Variants in ALK observed in about 807,000 individuals in gnomAD.
The protein encoded by ALK is ALK receptor tyrosine kinase.
ALK carries 74 observed loss-of-function variants against 163.1 expected under a neutral mutation model. The ratio of observed to expected loss-of-function variants is 0.45; its 90% CI spans 0.38 to 0.55. ALK has a LOEUF of 0.55. ALK is among the 20% of genes least tolerant of loss of function. The probability of loss-of-function intolerance (pLI) is 0.00; values close to 1 mark genes in which losing one functional copy is unlikely to be tolerated. For missense variants in ALK, 2,063 were observed against 2,105.3 expected (o/e 0.98, Z 0.39); for synonymous variants, 960 against 843.2 (o/e 1.14, Z -2.40).
chr2:29,699,167 CA>C (rs1469594196), intron 2 of ALK, among the ~76,000 whole-genome samples: 1 of 152,172 alleles, frequency 6.6e-6, no homozygotes, highest in Non-Finnish European at 1.5e-5. Flanking sequence ...GGCTTCAGCA[CA>C]GTGCTCAGCC....
intron 1 of ALK, among the ~76,000 whole-genome samples, chr2:29,724,393 G>C (rs1679508630): frequency 6.6e-6 from 1 of 152,182 alleles, no homozygotes; most frequent in East Asian, 1.9e-4. Flanking sequence ...ATAGTGGTCT[G>C]GATGTCAAAT....
At position 29,232,457 on chromosome 2, in the gene ALK, G is replaced by A; in HGVS notation, c.2488-9C>T. On this transcript the variant is annotated splice_polypyrimidine_tract_variant and intron_variant, in intron 14 of 28. Transcript: ENST00000389048. ...GGCACTCCATCCTTCATCTGACCAG[G>A]GGAGACATTCAGACATTGAGAAACC... The A allele has an allele frequency of 6.2e-7, 1 of 1,614,208 alleles. No individual in the cohort carries two copies. Among genetic ancestry groups the A allele is most frequent in the South Asian group, 1.1e-5 (1 of 91,080 alleles).
rs139945083 is a variant in ALK at position 29,548,494 on chromosome 2, G to A, written c.953-16378C>T. Among the ~76,000 whole-genome samples the A allele has an allele frequency of 5.6e-4, 84 of 151,284 alleles. No individual in the cohort carries two copies. The East Asian group carries it at 0.011, about 21-fold the overall frequency. ...TCTCAAAAAAAAAAAAAAGAGTTAA[G>A]TCACTAATGGTGTCATTGGATATCT... is the stretch of plus-strand genomic sequence containing the variant. On this transcript the variant is annotated intron_variant, in intron 3 of 28. Transcript: ENST00000389048.
intron 11 of ALK, among the ~76,000 whole-genome samples, chr2:29,273,666 G>A (rs1265202072): frequency 6.6e-6 from 1 of 152,160 alleles, no homozygotes; most frequent in East Asian, 1.9e-4. Context: ...TGTTTCTGGA[G>A]TCTCTGCTGT....
At chr2:29,298,973 C>G (rs76342825) in intron 8 of ALK, among the ~76,000 whole-genome samples, 1,921 of 152,278 alleles carry the variant, frequency 0.013, 39 homozygotes, top group African/African-American at 0.044. Flanking sequence ...GGAGAAATAT[C>G]CTTTATTTCA....
At chr2:29,761,324 C>T (rs1379657449) in intron 1 of ALK, among the ~76,000 whole-genome samples, 1 of 152,132 alleles carries the variant, frequency 6.6e-6, no homozygotes, top group Non-Finnish European at 1.5e-5. Flanking sequence ...TTTTTCCTGC[C>T]ACTCTGTGAT....
chr2:29,296,207 A>G (rs62130616), intron 9 of ALK, among the ~76,000 whole-genome samples: 16,405 of 152,260 alleles, frequency 0.11, 1,122 homozygotes, highest in Non-Finnish European at 0.15. Flanking sequence ...GCTCAAAGTC[A>G]CAGAGGCCAT....
chr2:29,263,051 C>T (rs1665127152), intron 11 of ALK, among the ~76,000 whole-genome samples: 1 of 152,242 alleles, frequency 6.6e-6, no homozygotes, highest in Non-Finnish European at 1.5e-5. Context: ...TTTGATATCA[C>T]ATGGGTGCTG....
intron 3 of ALK, among the ~76,000 whole-genome samples, chr2:29,684,575 C>T (rs1678182586): frequency 1.3e-5 from 2 of 152,186 alleles, no homozygotes; most frequent in Non-Finnish European, 1.5e-5. Flanking sequence ...GCAAAGAAGA[C>T]ACAGGTGACA....
chr2:29,513,095 A>G (rs1050606522), intron 4 of ALK, among the ~76,000 whole-genome samples: 9 of 151,740 alleles, frequency 5.9e-5, no homozygotes, highest in Non-Finnish European at 1.2e-4. Flanking sequence ...TATAGATTCA[A>G]TGCCGTCCCC....
intron 15 of ALK, among the ~76,000 whole-genome samples, chr2:29,231,497 A>G (rs1254895595): frequency 6.6e-6 from 1 of 152,198 alleles, no homozygotes; most frequent in Non-Finnish European, 1.5e-5. Flanking sequence ...GCACATGTGC[A>G]ACAGAGGCAG....
chr2:29,838,444 A>G (rs1233725743), intron 1 of ALK, among the ~76,000 whole-genome samples: 1 of 152,172 alleles, frequency 6.6e-6, no homozygotes, highest in African/African-American at 2.4e-5. Flanking sequence ...TTAAAAACTA[A>G]TGATAGAAAG....
chr2:29,549,935 C>T (rs1673671258), intron 3 of ALK, among the ~76,000 whole-genome samples: 1 of 152,070 alleles, frequency 6.6e-6, no homozygotes, highest in African/African-American at 2.4e-5. Context: ...TTTCTATTAG[C>T]ACTACTTTAA....
Position 29,227,675 on chromosome 2 carries a change from G to A in ALK, c.2816-3C>T, listed in dbSNP as rs533733008. The A allele has an allele frequency of 8.7e-6, 14 of 1,613,014 alleles. No homozygotes were observed. The highest frequency in any genetic ancestry group is 2.2e-5 in the South Asian group (2 of 91,046). ...ATTGTTTGAGGCTGCATTGCCGCCT[G>A]AGTAGCAAACCAGAGCAGAGTTTAA... On this transcript the variant is annotated splice_polypyrimidine_tract_variant and splice_region_variant and intron_variant, in intron 16 of 28. Transcript: ENST00000389048. The surrounding 1 kb of genome is among the most constrained non-coding windows in gnomAD (Gnocchi z 4.4).
chr2:29,344,010 G>A (rs1371502054), intron 5 of ALK, among the ~76,000 whole-genome samples: 1 of 152,074 alleles, frequency 6.6e-6, no homozygotes, highest in East Asian at 1.9e-4. Flanking sequence ...AAATCTCTGA[G>A]GACACCTAGA....
chr2:29,790,083 A>G (rs1446914196), intron 1 of ALK, among the ~76,000 whole-genome samples: 1 of 152,220 alleles, frequency 6.6e-6, no homozygotes, highest in Non-Finnish European at 1.5e-5. Flanking sequence ...GAGGGTAGGC[A>G]TGTGGGTTAA....
chr2:29,394,892 A>G (rs1359433174), intron 4 of ALK, among the ~76,000 whole-genome samples: 1 of 151,254 alleles, frequency 6.6e-6, no homozygotes, highest in Non-Finnish European at 1.5e-5. Context: ...TCTTCAATAC[A>G]TCATCCCCAT....
At chr2:29,272,419 A>G (rs2148213253) in intron 11 of ALK, among the ~76,000 whole-genome samples, 1 of 152,324 alleles carries the variant, frequency 6.6e-6, no homozygotes, top group Non-Finnish European at 1.5e-5. Context: ...CAGCCTGGAA[A>G]CTTGAGCGGC....
intron 3 of ALK, among the ~76,000 whole-genome samples, chr2:29,619,247 G>A (rs938947833): frequency 2.6e-5 from 4 of 152,194 alleles, no homozygotes; most frequent in African/African-American, 9.6e-5. Context: ...CCCTGGACTG[G>A]CAAGCAAGAG....
Sources: allele counts gnomAD v4.1 joint callset (sites outside exome capture counted in the v4.1 genomes callset), GRCh38; gene constraint gnomAD v4.1.1; non-coding constraint Gnocchi (gnomAD v3.1); transcripts MANE v1.5; gene names NCBI Gene and HGNC (gene_info 2026-07-23, HGNC 2026-07-21).